KCNC2: variants seen among roughly 807,000 people sequenced by gnomAD.
The protein encoded by KCNC2 is voltage-gated potassium channel KCNC2.
A neutral mutation model predicts 44.5 loss-of-function variants in KCNC2; 21 were observed. That is an observed-to-expected ratio of 0.47 (90% CI 0.33 to 0.68). The LOEUF (loss-of-function observed/expected upper bound fraction) is 0.68. Among genes scored for constraint, KCNC2 ranks in the 30% least tolerant of loss-of-function variants. KCNC2 has a pLI of 0.01. For missense variants in KCNC2, 589 were observed against 826.2 expected, an observed-to-expected ratio of 0.71 and a Z score of 3.52; for synonymous variants, 391 against 339.1, an observed-to-expected ratio of 1.15 and a Z score of -1.68.
intron 2 of KCNC2, among the ~76,000 whole-genome samples, chr12:75,074,317 G>A (rs1388938083): frequency 6.8e-6 from 1 of 146,636 alleles, no homozygotes; most frequent in Non-Finnish European, 1.5e-5. Context: ...TATTTCCCAA[G>A]GAGAAAGTCT....
chr12:75,192,828 T>G (rs2030412650), intron 2 of KCNC2, among the ~76,000 whole-genome samples: 1 of 152,110 alleles, frequency 6.6e-6, no homozygotes, highest in Non-Finnish European at 1.5e-5. Flanking sequence ...AACCTAAGCT[T>G]TAGTAATCTA....
chr12:75,081,613 T>G (rs1257627052), intron 2 of KCNC2, among the ~76,000 whole-genome samples: 5 of 152,048 alleles, frequency 3.3e-5, no homozygotes, highest in African/African-American at 1.2e-4. Flanking sequence ...ATTCACTTCT[T>G]GTAATAAATT....
intron 2 of KCNC2, among the ~76,000 whole-genome samples, chr12:75,100,042 C>T (rs569437046): frequency 6.6e-6 from 1 of 152,194 alleles, no homozygotes; most frequent in Non-Finnish European, 1.5e-5. Flanking sequence ...TACAGTTCTC[C>T]TGAGTGGGGC....
At chr12:75,177,124 G>A (rs1328952929) in intron 2 of KCNC2, among the ~76,000 whole-genome samples, 1 of 149,572 alleles carries the variant, frequency 6.7e-6, no homozygotes, top group Non-Finnish European at 1.5e-5. Flanking sequence ...ATTGTTTTAG[G>A]GAGTGTTAGT....
At chr12:75,066,165 A>AT (rs1448719170) in intron 2 of KCNC2, among the ~76,000 whole-genome samples, 2 of 152,124 alleles carry the variant, frequency 1.3e-5, no homozygotes, top group Middle Eastern at 3.4e-3. Context: ...ATTTAGCACT[A>AT]TTTTTTATAA....
chr12:75,121,460 G>GA (rs1888039640), intron 2 of KCNC2, among the ~76,000 whole-genome samples: 2 of 152,170 alleles, frequency 1.3e-5, no homozygotes, highest in Non-Finnish European at 2.9e-5. Context: ...CACATAACTA[G>GA]AAAATGTAAG....
chr12:75,083,019 C>A (rs1224868976), intron 2 of KCNC2, among the ~76,000 whole-genome samples: 2 of 150,488 alleles, frequency 1.3e-5, no homozygotes, highest in African/African-American at 4.9e-5. Flanking sequence ...AGATAGAATG[C>A]ATATTTATAT....
At chr12:75,091,344 C>T (rs1234915079) in intron 2 of KCNC2, among the ~76,000 whole-genome samples, 1 of 151,592 alleles carries the variant, frequency 6.6e-6, no homozygotes, top group Non-Finnish European at 1.5e-5. Context: ...GAAGTAGCTG[C>T]CTTTTGGCCT....
At chr12:75,204,574 A>G (rs532914052) in intron 2 of KCNC2, among the ~76,000 whole-genome samples, 1 of 152,270 alleles carries the variant, frequency 6.6e-6, no homozygotes, top group East Asian at 1.9e-4. Context: ...GAGTGTTTAT[A>G]AAAGTTTAAA....
intron 2 of KCNC2, among the ~76,000 whole-genome samples, chr12:75,104,600 T>C (rs975098163): frequency 6.6e-6 from 1 of 152,180 alleles, no homozygotes; most frequent in Non-Finnish European, 1.5e-5. Context: ...GGTTTTAAAA[T>C]ATTACTAGTT....
At chr12:75,091,564 C>A (rs192858582) in intron 2 of KCNC2, among the ~76,000 whole-genome samples, 1 of 151,582 alleles carries the variant, frequency 6.6e-6, no homozygotes, top group Non-Finnish European at 1.5e-5. Context: ...CGAAACCTAG[C>A]GGGAAAGTTG....
intron 2 of KCNC2, among the ~76,000 whole-genome samples, chr12:75,122,246 G>A (rs746578189): frequency 7.9e-5 from 12 of 152,286 alleles, no homozygotes; most frequent in South Asian, 4.1e-4. Context: ...TTTGTACCAG[G>A]CATGACAGGA....
intron 4 of KCNC2, chr12:75,043,473 A>C (rs10785168): frequency 0.66 from 857,253 of 1,289,918 alleles, 286,150 homozygotes; most frequent in East Asian, 0.73. Flanking sequence ...ACTTCAAAAT[A>C]TATTTTTTCC....
chr12:75,066,095 T>C (rs1882802055), intron 2 of KCNC2, among the ~76,000 whole-genome samples: 1 of 152,076 alleles, frequency 6.6e-6, no homozygotes, highest in Admixed American at 6.6e-5. Context: ...CAAGAACACC[T>C]AAATTTATGA....
Position 75,041,217 on chromosome 12 carries a change from T to C in KCNC2, c.*1888A>G. The stretch of plus-strand genomic sequence containing the variant: ...AAATTCTGTACAACACTGTAGTCAA[T>C]AACAGCAGCACCAGACAGCATATTA... On this transcript the variant is annotated 3_prime_UTR_variant, in exon 5 of 5. Coordinates refer to ENST00000549446, the MANE Select transcript of KCNC2 (RefSeq NM_139137.4). The C allele has an allele frequency of 6.3e-7, 1 of 1,595,348 alleles. No homozygotes were observed. Among genetic ancestry groups the C allele is most frequent in the South Asian group, 1.1e-5 (1 of 91,000 alleles).
At chr12:75,119,886 A>C (rs149442333) in intron 2 of KCNC2, among the ~76,000 whole-genome samples, 162 of 152,312 alleles carry the variant, frequency 1.1e-3, no homozygotes, top group African/African-American at 3.4e-3. Flanking sequence ...GAAACAGATG[A>C]CCCTTTCAAC....
chr12:75,094,256 C>T (rs972100061), intron 2 of KCNC2, among the ~76,000 whole-genome samples: 1 of 151,644 alleles, frequency 6.6e-6, no homozygotes, highest in Non-Finnish European at 1.5e-5. Flanking sequence ...AAGTCACCTG[C>T]TGCCCATACA....
intron 2 of KCNC2, among the ~76,000 whole-genome samples, chr12:75,109,319 C>G (rs923658259): frequency 6.6e-6 from 1 of 152,072 alleles, no homozygotes; most frequent in African/African-American, 2.4e-5. Context: ...AGACAGTAAC[C>G]AAAGAAGAAA....
At chr12:75,062,333 T>G (rs1882427305) in intron 2 of KCNC2, among the ~76,000 whole-genome samples, 1 of 152,118 alleles carries the variant, frequency 6.6e-6, no homozygotes. Context: ...AAACACAACA[T>G]GCATACATGC....
Sources: gnomAD v4.1 joint callset for allele counts (sites outside exome capture counted in the v4.1 genomes callset) on GRCh38, gnomAD v4.1.1 for gene constraint, MANE v1.5 for transcripts, NCBI Gene and HGNC (gene_info 2026-07-23, HGNC 2026-07-21) for gene names.